The following ANKS1B variants were observed in gnomAD, a reference collection of about 807,000 sequenced individuals.
ANKS1B encodes ankyrin repeat and sterile alpha motif domain containing 1B.
A neutral mutation model predicts 148.3 loss-of-function variants in ANKS1B; 36 were observed. That is an observed-to-expected ratio of 0.24 (90% CI 0.19 to 0.32). ANKS1B has a LOEUF of 0.32. ANKS1B is among the 10% of genes least tolerant of loss of function. The pLI is 1.00. For synonymous variants in ANKS1B, 542 were observed against 560.8 expected (o/e 0.97, Z 0.47); for missense variants, 1,157 against 1,542.6 (o/e 0.75, Z 4.19).
At chr12:98,787,503 A>T (rs920915919) in intron 22 of ANKS1B, among the ~76,000 whole-genome samples, 1 of 152,198 alleles carries the variant, frequency 6.6e-6, no homozygotes, top group African/African-American at 2.4e-5. Context: ...CCATTTTTCA[A>T]GTCAAGAATG....
rs540874868 is a variant in ANKS1B at position 99,218,206 on chromosome 12, A to G, written c.2419+26136T>C. On this transcript the variant is annotated intron_variant, in intron 14 of 26. Transcript: ENST00000683438. ...CTGCTTTTTGAATTTAAAAAAAGTC[A>G]TTTTTCTCACCTTTTCTCTCCTAGG... Among the ~76,000 whole-genome samples the G allele has an allele frequency of 2.2e-4, 33 of 152,152 alleles. 1 individual carries two copies. Among genetic ancestry groups the G allele is most frequent in the Admixed American group, 2.0e-3 (31 of 15,284 alleles).
intron 1 of ANKS1B, among the ~76,000 whole-genome samples, chr12:99,873,503 T>G (rs1288727763): frequency 6.6e-6 from 1 of 152,192 alleles, no homozygotes; most frequent in Non-Finnish European, 1.5e-5. Flanking sequence ...ACTCATTCCC[T>G]ACCCTCAGCT....
intron 9 of ANKS1B, among the ~76,000 whole-genome samples, chr12:99,579,659 A>C (rs763266482): frequency 1.3e-5 from 2 of 152,182 alleles, no homozygotes; most frequent in Non-Finnish European, 2.9e-5. Context: ...ATACAACCTC[A>C]TATCAGTCAG....
chr12:99,360,753 G>A (rs2092400276), intron 12 of ANKS1B, among the ~76,000 whole-genome samples: 1 of 152,154 alleles, frequency 6.6e-6, no homozygotes. Context: ...CCTAGTCTGA[G>A]CCACTTGCAA....
At chr12:99,271,031 C>T (rs2076980231) in intron 12 of ANKS1B, among the ~76,000 whole-genome samples, 1 of 152,146 alleles carries the variant, frequency 6.6e-6, no homozygotes, top group Non-Finnish European at 1.5e-5. Flanking sequence ...AGAGACTAAT[C>T]TAAAGGATAA....
chr12:98,968,204 C>A (rs918508422), intron 17 of ANKS1B, among the ~76,000 whole-genome samples: 1 of 152,146 alleles, frequency 6.6e-6, no homozygotes, highest in Non-Finnish European at 1.5e-5. Context: ...ATAATTCTAA[C>A]ATAGCCAGAG....
intron 11 of ANKS1B, among the ~76,000 whole-genome samples, chr12:99,405,252 C>T (rs1299351108): frequency 2.1e-5 from 3 of 145,074 alleles, no homozygotes; most frequent in African/African-American, 7.8e-5. Flanking sequence ...AATAGTATAA[C>T]ACTGTAATTG....
chr12:99,681,006 G>A lies in ANKS1B; in HGVS notation c.1129-25796C>T, dbSNP rs113476111. 1.2e-3 allele frequency among the ~76,000 whole-genome samples: 178 copies of A among 152,126 alleles called. 1 individual carries two copies. The highest frequency in any genetic ancestry group is 3.4e-3 in the Middle Eastern group (1 of 294). ...AGCCATAGCAAGTCCTGCCCAAGGA[G>A]AGTCTGAGCTCAGACACACCTAACC... On this transcript the variant is annotated intron_variant, in intron 8 of 26. Coordinates refer to ENST00000683438, the MANE Select transcript of ANKS1B (RefSeq NM_001352186.2).
intron 14 of ANKS1B, among the ~76,000 whole-genome samples, chr12:99,197,751 A>AT (rs1162092044): frequency 3.9e-5 from 6 of 151,958 alleles, no homozygotes; most frequent in Non-Finnish European, 7.4e-5. Flanking sequence ...AAGGAAATGG[A>AT]TTTTTTTTGA....
intron 17 of ANKS1B, among the ~76,000 whole-genome samples, chr12:98,955,887 C>CCAGGATCT (rs972450099): frequency 1.3e-5 from 2 of 152,144 alleles, no homozygotes; most frequent in African/African-American, 4.8e-5. Flanking sequence ...GAACGAATAA[C>CCAGGATCT]CAGGATCTTA....
At chr12:98,988,168 T>A (rs562114086) in intron 17 of ANKS1B, among the ~76,000 whole-genome samples, 2 of 152,302 alleles carry the variant, frequency 1.3e-5, no homozygotes, top group Admixed American at 1.3e-4. Flanking sequence ...ATATTAACTA[T>A]AGTCACCACG....
At chr12:99,935,284 C>T (rs2094733262) in intron 1 of ANKS1B, among the ~76,000 whole-genome samples, 2 of 145,226 alleles carry the variant, frequency 1.4e-5, no homozygotes, top group Admixed American at 7.0e-5. Flanking sequence ...AGGGATGGGG[C>T]GTGTTTAGAA....
intron 12 of ANKS1B, among the ~76,000 whole-genome samples, chr12:99,387,434 G>A (rs2093909287): frequency 6.6e-6 from 1 of 152,130 alleles, no homozygotes; most frequent in Non-Finnish European, 1.5e-5. Context: ...TGGCCAACAT[G>A]GTGAAAGCCC....
intron 10 of ANKS1B, among the ~76,000 whole-genome samples, chr12:99,473,931 CTT>C (rs1208728572): frequency 6.6e-6 from 1 of 151,982 alleles, no homozygotes; most frequent in Admixed American, 6.6e-5. Flanking sequence ...ATGATGTGTA[CTT>C]TTTGTCTTGT....
At chr12:99,199,691 C>A (rs1566614800) in intron 14 of ANKS1B, among the ~76,000 whole-genome samples, 2 of 152,050 alleles carry the variant, frequency 1.3e-5, no homozygotes, top group Non-Finnish European at 2.9e-5. Context: ...AAGAAATATA[C>A]CTTTTTGGGC....
chr12:99,702,452 T>A (rs530413160), intron 8 of ANKS1B, among the ~76,000 whole-genome samples: 1 of 152,154 alleles, frequency 6.6e-6, no homozygotes, highest in Non-Finnish European at 1.5e-5. Flanking sequence ...TCCCTTGTTA[T>A]AGGGGTTGTC....
chr12:99,835,290 G>T (rs1023529411), intron 1 of ANKS1B, among the ~76,000 whole-genome samples: 1 of 151,266 alleles, frequency 6.6e-6, no homozygotes, highest in African/African-American at 2.4e-5. Context: ...AATTAGCCAG[G>T]CATGGTGGCA....
chr12:99,691,784 T>G (rs1051327822), intron 8 of ANKS1B, among the ~76,000 whole-genome samples: 1 of 152,202 alleles, frequency 6.6e-6, no homozygotes, highest in South Asian at 2.1e-4. Context: ...CAAGTATCCT[T>G]GTAGCAGTGC....
At chr12:99,298,142 C>T (rs1235812336) in intron 12 of ANKS1B, among the ~76,000 whole-genome samples, 7 of 152,284 alleles carry the variant, frequency 4.6e-5, no homozygotes, top group East Asian at 1.9e-4. Flanking sequence ...ATAAAGCTAA[C>T]GGGATGTATA....
Sources: allele counts gnomAD v4.1 joint callset (sites outside exome capture counted in the v4.1 genomes callset), GRCh38; gene constraint gnomAD v4.1.1; transcripts MANE v1.5; gene names NCBI Gene and HGNC (gene_info 2026-07-23, HGNC 2026-07-21).